DNAAF5: variants seen among roughly 807,000 people sequenced by gnomAD.
DNAAF5 encodes dynein axonemal assembly factor 5.
A neutral mutation model predicts 75.8 loss-of-function variants in DNAAF5; 64 were observed. That is an observed-to-expected ratio of 0.84 (90% CI 0.69 to 1.04). The LOEUF (loss-of-function observed/expected upper bound fraction) is 1.04, where lower values mean the gene tolerates loss of function less well. DNAAF5 is among the 50% of genes least tolerant of loss of function. The pLI, the probability that DNAAF5 is intolerant of heterozygous loss-of-function variation, is 0.00. For missense variants in DNAAF5, 1,269 were observed against 1,178.5 expected, an observed-to-expected ratio of 1.08 and a Z score of -1.12; for synonymous variants, 657 against 557.2, an observed-to-expected ratio of 1.18 and a Z score of -2.52.
intron 6 of DNAAF5, among the ~76,000 whole-genome samples, chr7:758,935 G>C (rs576717620): frequency 6.6e-6 from 1 of 151,988 alleles, no homozygotes. Flanking sequence ...AGCCCACCTC[G>C]GCCTCCCAAA....
At chr7:727,547 A>T (rs1781387857) in intron 1 of DNAAF5, 1 of 222,528 alleles carries the variant, frequency 4.5e-6, no homozygotes, top group Non-Finnish European at 8.2e-6. Flanking sequence ...TCCCGCCACC[A>T]ACGCGCCCTT....
At position 726,827 on chromosome 7, in the gene DNAAF5, C is replaced by T. The variant is rs1781314724; in HGVS notation, c.107C>T (p.Pro36Leu). 3.8e-6 allele frequency: 5 copies of T among 1,326,840 alleles called. No homozygotes were observed. In the South Asian group the frequency reaches 8.1e-5, roughly 21 times the overall value. The allele number at this position is 1,326,840 out of a possible 1,614,324, so 82.2% of individuals were successfully genotyped here. ...AGCCGCGCCCTGAGCCGCCTGCTGC[C>T]GGGGCTGGAGGCCGACAGCAAGCCG... ...ELSRALSRLLPGLEADSKPGR... is the reference protein window; with the variant it reads ...ELSRALSRLLLGLEADSKPGR... The change falls in exon 1 of 13, where the codon CCG (proline) becomes CTG (leucine). Residue 36 changes from proline (P) to leucine (L), a missense_variant. Physicochemically the swap from Pro to Leu is moderately conservative, Grantham distance 98. Coordinates refer to ENST00000297440, the MANE Select transcript of DNAAF5 (RefSeq NM_017802.4).
At chr7:734,980 A>T (rs1171910092) in intron 2 of DNAAF5, among the ~76,000 whole-genome samples, 7 of 151,582 alleles carry the variant, frequency 4.6e-5, no homozygotes, top group African/African-American at 1.5e-4. Flanking sequence ...ATAGCTGCTC[A>T]CAGTGTCGCT....
At chr7:736,362 T>C (rs1272937969) in intron 2 of DNAAF5, among the ~76,000 whole-genome samples, 1 of 152,210 alleles carries the variant, frequency 6.6e-6, no homozygotes, top group Non-Finnish European at 1.5e-5. Flanking sequence ...GCTCTAGTAA[T>C]ATTTGGTTTA....
In DNAAF5 at chr7:754,036, CTCA is replaced by C. The variant is rs780822747; in HGVS notation, c.1025-548_1025-546del. Among the ~76,000 whole-genome samples the C allele has an allele frequency of 4.0e-5, 6 of 149,278 alleles. No homozygotes were observed. The highest frequency in any genetic ancestry group is 7.4e-5 in the Non-Finnish European group (5 of 67,372). On this transcript the variant is annotated intron_variant, in intron 4 of 12. Transcript: ENST00000297440. This position sits in a 1 kb window ranked among gnomAD's most constrained non-coding sequence, Gnocchi z 4.8. ...GGGGGACGGCTTCGCAGGCGTGTCTCTCATCATATGGCGATGGCTTCGCAGGCG... is the reference window on the plus strand; with the variant it reads ...GGGGGACGGCTTCGCAGGCGTGTCTCTCATATGGCGATGGCTTCGCAGGCG...
Position 785,821 on chromosome 7 carries a change from T to TG in DNAAF5, c.*170dup, listed in dbSNP as rs2128088434. ...TTTCCCTGGAATAACAGCCTCTGAG[T>TG]GGATTCTGCATGTTATGTGATTTGT... On this transcript the variant is annotated 3_prime_UTR_variant, in exon 13 of 13. Transcript: ENST00000297440. 2 of 684,764 alleles carry TG rather than the reference T, an allele frequency of 2.9e-6. No homozygotes were observed. The highest frequency in any genetic ancestry group is 5.6e-5 in the East Asian group (2 of 35,560). The allele number at this position is 684,764 out of a possible 1,614,324, so 42.4% of individuals were successfully genotyped here.
Position 754,444 on chromosome 7 carries a change from T to C in DNAAF5, c.1025-145T>C. 1.4e-6 allele frequency: 1 copy of C among 738,640 alleles called. No homozygotes were observed. The highest frequency in any genetic ancestry group is 2.4e-6 in the Non-Finnish European group (1 of 421,230). 45.8% of individuals were successfully genotyped at this position (738,640 alleles called of 1,614,324 possible). ...TGAATGTTCTGAACGACGGGGCATTTGTCAGCTTTGCGTCCACCCCAAGAC... is the reference window on the plus strand; with the variant it reads ...TGAATGTTCTGAACGACGGGGCATTCGTCAGCTTTGCGTCCACCCCAAGAC... On this transcript the variant is annotated intron_variant, in intron 4 of 12. Transcript: ENST00000297440. The surrounding 1 kb of genome is among the most constrained non-coding windows in gnomAD (Gnocchi z 4.8).
chr7:771,954 AT>A (rs11453932), intron 9 of DNAAF5: 63,491 of 151,050 alleles, frequency 0.42, 13,507 homozygotes, highest in Middle Eastern at 0.47. Context: ...AATAGGAAAG[AT>A]TTTTTTTTTT....
chr7:759,822 G>C (rs1782589439), intron 6 of DNAAF5, among the ~76,000 whole-genome samples: 1 of 152,148 alleles, frequency 6.6e-6, no homozygotes, highest in Non-Finnish European at 1.5e-5. Flanking sequence ...GCCAGGAGGG[G>C]CTGTGTCTTC....
chr7:730,216 G>A (rs779117899), intron 2 of DNAAF5, among the ~76,000 whole-genome samples: 2 of 152,032 alleles, frequency 1.3e-5, no homozygotes, highest in East Asian at 3.9e-4. Flanking sequence ...GAGTGGAGTC[G>A]GGGTTGGTTT....
intron 2 of DNAAF5, among the ~76,000 whole-genome samples, chr7:738,519 G>T (rs932067078): frequency 6.6e-6 from 1 of 152,008 alleles, no homozygotes; most frequent in Non-Finnish European, 1.5e-5. Flanking sequence ...CATCTTTGCA[G>T]TCTGGGCTTG....
Position 727,290 on chromosome 7 carries a change from C to T in DNAAF5, c.570C>T (p.Ala190=). The T allele has an allele frequency of 3.1e-6, 4 of 1,305,756 alleles. No individual in the cohort carries two copies. Among genetic ancestry groups the T allele is most frequent in the East Asian group, 3.2e-5 (1 of 31,068 alleles). The allele number at this position is 1,305,756 out of a possible 1,614,324, so 80.9% of individuals were successfully genotyped here. A position where few individuals can be genotyped will look rare whatever the true frequency, so the allele number is the denominator to read the frequency against. ...AAVRRESCSC[A]AALAQATPDH... ...TGCGCCGCGAGAGCTGCAGCTGCGC[C>T]GCCGCCCTGGCGCAGGCCACGCCCG... Residue 190 remains alanine (A), a synonymous_variant, in exon 1 of 13, where the codon GCC becomes GCT. Coordinates refer to ENST00000297440, the MANE Select transcript of DNAAF5 (RefSeq NM_017802.4).
chr7:746,270 T>A (rs1357953107), intron 4 of DNAAF5, among the ~76,000 whole-genome samples: 1 of 114,190 alleles, frequency 8.8e-6, no homozygotes, highest in Non-Finnish European at 1.8e-5. Flanking sequence ...CTTACTGTCT[T>A]GCCCCCCCCT....
At chr7:784,073 G>A (rs985152506) in intron 12 of DNAAF5, among the ~76,000 whole-genome samples, 1 of 150,348 alleles carries the variant, frequency 6.7e-6, no homozygotes, top group Non-Finnish European at 1.5e-5. Context: ...AGGCTCCCTG[G>A]AAGCAGCCCG....
intron 8 of DNAAF5, among the ~76,000 whole-genome samples, chr7:769,949 T>C (rs897169786): frequency 6.6e-6 from 1 of 151,918 alleles, no homozygotes; most frequent in African/African-American, 2.4e-5. Context: ...GTCCAGGTTT[T>C]GTTTTTGTTT....
In DNAAF5 at chr7:761,777, C is replaced by T. The variant is rs748956616; in HGVS notation, c.1495C>T (p.Leu499=). The T allele has an allele frequency of 8.1e-6, 13 of 1,608,452 alleles. No individual in the cohort carries two copies. Among genetic ancestry groups the T allele is most frequent in the South Asian group, 1.1e-5 (1 of 89,742 alleles). Reference sequence around the variant, plus strand: ...GGACCTCTACCTGGAGCGCCTGCTGCTGTGTGTGCAGGCTCTGGTGTCTGT... The same window carrying T: ...GGACCTCTACCTGGAGCGCCTGCTGTTGTGTGTGCAGGCTCTGGTGTCTGT... The part of the protein sequence containing the change: ...ENDLYLERLL[L]CVQALVSVCH... The change falls in exon 7 of 13, where the codon CTG becomes TTG. Residue 499 remains leucine (L), a synonymous_variant. Transcript: ENST00000297440.
At chr7:751,111 A>G (rs79598211) in intron 4 of DNAAF5, among the ~76,000 whole-genome samples, 2,313 of 152,238 alleles carry the variant, frequency 0.015, 40 homozygotes, top group East Asian at 0.12. Flanking sequence ...AGATCGCACC[A>G]TTGCACTCCA....
At chr7:731,708 G>A (rs996608510) in intron 2 of DNAAF5, among the ~76,000 whole-genome samples, 5 of 152,002 alleles carry the variant, frequency 3.3e-5, no homozygotes, top group Admixed American at 3.3e-4. Context: ...TAGCTCGTCA[G>A]CTATCATTAG....
At position 754,635 on chromosome 7, in the gene DNAAF5, C is replaced by A; in HGVS notation, c.1071C>A (p.Leu357=). 6.2e-7 allele frequency: 1 copy of A among 1,614,172 alleles called. No homozygotes were observed. The highest frequency in any genetic ancestry group is 8.5e-7 in the Non-Finnish European group (1 of 1,180,024). ...LGCRELVFRN[L]SKILPALCHD... ...GCCGGGAGCTCGTCTTCAGGAACCT[C>A]TCCAAGATCCTCCCTGCCCTGTGCC... is the stretch of plus-strand genomic sequence containing the variant. Residue 357 remains leucine (L), a synonymous_variant, in exon 5 of 13, where the codon CTC becomes CTA. Coordinates refer to ENST00000297440, the MANE Select transcript of DNAAF5 (RefSeq NM_017802.4). The surrounding 1 kb of genome is among the most constrained non-coding windows in gnomAD (Gnocchi z 4.8).
Sources: gnomAD v4.1 joint callset for allele counts (sites outside exome capture counted in the v4.1 genomes callset) on GRCh38, gnomAD v4.1.1 for gene constraint, Gnocchi (gnomAD v3.1) non-coding constraint, MANE v1.5 for transcripts, NCBI Gene and HGNC (gene_info 2026-07-23, HGNC 2026-07-21) for gene names.